Variants in RCOR1 observed in about 807,000 individuals in gnomAD.
RCOR1 encodes the protein REST corepressor 1.
RCOR1 carries 12 observed loss-of-function variants against 64.0 expected under a neutral mutation model. The observed-to-expected ratio is 0.19, with a 90% CI of 0.12 to 0.30. RCOR1 has a LOEUF of 0.30. Ranked by LOEUF, RCOR1 falls within the 10% of genes least tolerant of loss-of-function variation. RCOR1 has a pLI of 1.00. For synonymous variants in RCOR1, 279 were observed against 227.2 expected (o/e 1.23, Z -2.05); for missense variants, 502 against 621.2 (o/e 0.81, Z 2.04).
intron 2 of RCOR1, among the ~76,000 whole-genome samples, chr14:102,647,102 A>G (rs1235568082): frequency 6.6e-6 from 1 of 152,170 alleles, no homozygotes; most frequent in Non-Finnish European, 1.5e-5. Flanking sequence ...CTCCACATTG[A>G]GCAGACCCAC....
At chr14:102,721,146 A>G (rs1896161726) in intron 9 of RCOR1, 62 bp downstream of exon 9, 6 of 1,148,346 alleles carry the variant, frequency 5.2e-6, no homozygotes, top group Non-Finnish European at 7.7e-6. Flanking sequence ...TAAGAATTTA[A>G]TATCGGTGTG....
chr14:102,657,268 G>C (rs1205306389), intron 2 of RCOR1: 2 of 985,214 alleles, frequency 2.0e-6, no homozygotes, highest in Non-Finnish European at 2.4e-6. Flanking sequence ...TTTCCCACCT[G>C]TATGTATGCT....
chr14:102,618,739 A>G (rs913161737), intron 2 of RCOR1, among the ~76,000 whole-genome samples: 6 of 152,228 alleles, frequency 3.9e-5, no homozygotes, highest in Non-Finnish European at 8.8e-5. Flanking sequence ...TTCCATGGTC[A>G]TAAAATACCT....
intron 3 of RCOR1, among the ~76,000 whole-genome samples, chr14:102,700,916 G>A (rs1414409045): frequency 1.3e-5 from 2 of 152,208 alleles, no homozygotes; most frequent in African/African-American, 4.8e-5. Flanking sequence ...GGCTAGGAAG[G>A]CCTTACAATC....
At chr14:102,670,813 G>A (rs1327795408) in intron 2 of RCOR1, among the ~76,000 whole-genome samples, 3 of 150,452 alleles carry the variant, frequency 2.0e-5, no homozygotes, top group African/African-American at 4.9e-5. Context: ...TGCTCTTGTC[G>A]CCCAGGCTGG....
chr14:102,663,737 A>G (rs911284659), intron 2 of RCOR1, among the ~76,000 whole-genome samples: 6 of 152,206 alleles, frequency 3.9e-5, no homozygotes, highest in Non-Finnish European at 8.8e-5. Flanking sequence ...ACCTGAGCCT[A>G]AAACATTTCA....
At chr14:102,692,325 C>G (rs1056403792) in intron 3 of RCOR1, among the ~76,000 whole-genome samples, 54 of 152,172 alleles carry the variant, frequency 3.5e-4, no homozygotes, top group African/African-American at 1.2e-3. Flanking sequence ...GTTTAATTTA[C>G]TGTCCTGTGG....
intron 3 of RCOR1, 58 bp from the exon 4 acceptor site, chr14:102,701,220 A>T (rs894678791): frequency 2.2e-6 from 3 of 1,358,674 alleles, no homozygotes; most frequent in Non-Finnish European, 3.2e-6. Flanking sequence ...ATTCTAGCAG[A>T]CCATAGGGTG....
intron 2 of RCOR1, among the ~76,000 whole-genome samples, chr14:102,676,186 C>T (rs953523021): frequency 6.6e-5 from 10 of 150,596 alleles, no homozygotes; most frequent in South Asian, 4.2e-4. Context: ...TCCACAAAAC[C>T]GCCATTGTCA....
chr14:102,656,631 C>T (rs1225502081), intron 2 of RCOR1, among the ~76,000 whole-genome samples: 1 of 150,890 alleles, frequency 6.6e-6, no homozygotes, highest in Non-Finnish European at 1.5e-5. Context: ...ATATACCTGG[C>T]TGATTTTTTG....
intron 2 of RCOR1, among the ~76,000 whole-genome samples, chr14:102,660,078 A>C (rs767772544): frequency 2.6e-5 from 4 of 152,168 alleles, no homozygotes; most frequent in Non-Finnish European, 5.9e-5. Context: ...ATTATCTTTA[A>C]CCATTGGTTC....
At chr14:102,673,691 C>T (rs897753943) in intron 2 of RCOR1, among the ~76,000 whole-genome samples, 1 of 152,028 alleles carries the variant, frequency 6.6e-6, no homozygotes, top group Non-Finnish European at 1.5e-5. Flanking sequence ...TCTCGGCTCA[C>T]CGCAACCTCC....
At chr14:102,602,466 C>T (rs1893424303) in intron 2 of RCOR1, among the ~76,000 whole-genome samples, 1 of 148,698 alleles carries the variant, frequency 6.7e-6, no homozygotes, top group African/African-American at 2.5e-5. Flanking sequence ...TGCAGTGACG[C>T]AGTCTCCTCT....
intron 2 of RCOR1, among the ~76,000 whole-genome samples, chr14:102,645,910 C>T (rs914261991): frequency 2.0e-5 from 3 of 152,178 alleles, no homozygotes; most frequent in African/African-American, 7.2e-5. Context: ...TTTGTTTGTG[C>T]TGCTTCTTCA....
intron 2 of RCOR1, among the ~76,000 whole-genome samples, chr14:102,595,670 C>T (rs953801827): frequency 6.6e-6 from 1 of 151,682 alleles, no homozygotes; most frequent in African/African-American, 2.4e-5. Context: ...AGCTCCGCCT[C>T]CCAGGTTCAC....
rs1188399404 is a variant in RCOR1, at chr14:102,639,495, A to ATTTT, written c.362-42398_362-42395dup. Among the ~76,000 whole-genome samples the ATTTT allele has an allele frequency of 8.3e-4, 112 of 134,578 alleles. No individual in the cohort carries two copies. The Middle Eastern group carries it at 0.015, about 18-fold the overall frequency. 88.3% of individuals were successfully genotyped at this position (134,578 alleles called of 152,430 possible). On this transcript the variant is annotated intron_variant, in intron 2 of 11. Coordinates refer to ENST00000262241, the MANE Select transcript of RCOR1 (RefSeq NM_015156.4). ...GTCTGGCTAATTAATTTATTTTTTA[A>ATTTT]TTTTTATTTATTTATTTATTTATTT...
intron 3 of RCOR1, among the ~76,000 whole-genome samples, chr14:102,692,050 G>T (rs1377450389): frequency 1.3e-5 from 2 of 152,160 alleles, no homozygotes; most frequent in Non-Finnish European, 2.9e-5. Context: ...GCTGTTGTTG[G>T]ACTTATACGT....
chr14:102,720,444 T>TA (rs1470877108), intron 8 of RCOR1, among the ~76,000 whole-genome samples: 1 of 152,234 alleles, frequency 6.6e-6, no homozygotes, highest in Non-Finnish European at 1.5e-5. Context: ...ACGTGACAGT[T>TA]AATCAAAGTT....
chr14:102,698,814 G>A lies in RCOR1; in HGVS notation c.446-2464G>A, dbSNP rs377551574. Among the ~76,000 whole-genome samples the A allele has an allele frequency of 1.1e-4, 17 of 152,246 alleles. No homozygotes were observed. The East Asian group carries it at 2.3e-3, about 21-fold the overall frequency. On this transcript the variant is annotated intron_variant, in intron 3 of 11. Coordinates refer to ENST00000262241, the MANE Select transcript of RCOR1 (RefSeq NM_015156.4). Reference sequence around the variant, plus strand: ...CAGGTATACAGAACCACCTGTTCGAGCAGCCTCATCTGACATTTTTTAGAA... The same window carrying A: ...CAGGTATACAGAACCACCTGTTCGAACAGCCTCATCTGACATTTTTTAGAA...
Sources: allele counts gnomAD v4.1 joint callset (sites outside exome capture counted in the v4.1 genomes callset), GRCh38; gene constraint gnomAD v4.1.1; transcripts MANE v1.5; gene names NCBI Gene and HGNC (gene_info 2026-07-23, HGNC 2026-07-21).